The following RIMS4 variants were observed in gnomAD, a reference collection of about 807,000 sequenced individuals.
RIMS4 encodes regulating synaptic membrane exocytosis protein 4.
RIMS4 carries 9 observed loss-of-function variants against 29.0 expected under a neutral mutation model. The ratio of observed to expected loss-of-function variants is 0.31; its 90% CI spans 0.19 to 0.54. The LOEUF is 0.54. RIMS4 is among the 20% of genes least tolerant of loss of function. RIMS4 has a pLI of 0.94. For missense variants in RIMS4, 193 were observed against 365.7 expected (o/e 0.53, Z 3.85); for synonymous variants, 130 against 152.9 (o/e 0.85, Z 1.10).
At chr20:44,760,196 C>A (rs1012871493) in intron 2 of RIMS4, among the ~76,000 whole-genome samples, 2 of 152,200 alleles carry the variant, frequency 1.3e-5, no homozygotes, top group African/African-American at 4.8e-5. Flanking sequence ...TCCTTGAGGA[C>A]GGTCTGTAGT....
intron 2 of RIMS4, among the ~76,000 whole-genome samples, chr20:44,764,228 G>A (rs370934451): frequency 2.9e-3 from 191 of 65,926 alleles, no homozygotes; most frequent in Middle Eastern, 0.025. Flanking sequence ...CCATCCATCC[G>A]TCCATCCATT....
At chr20:44,771,536 C>G (rs1248574525) in intron 1 of RIMS4, 123 bp from the exon 2 acceptor site, 2 of 1,048,150 alleles carry the variant, frequency 1.9e-6, no homozygotes, top group Admixed American at 2.3e-5. Flanking sequence ...AGCCTCCACC[C>G]TCAGCCCATC....
At chr20:44,805,658 T>C (rs1263312077) in intron 1 of RIMS4, among the ~76,000 whole-genome samples, 2 of 152,016 alleles carry the variant, frequency 1.3e-5, no homozygotes, top group African/African-American at 2.4e-5. Context: ...CCCACCATCT[T>C]AGAGGGAAGG....
rs2066135502 is a variant in RIMS4, at chr20:44,771,134, T to C, written c.236+141A>G. Reference sequence around the variant, plus strand: ...TGTTACACTGCCTCCCTTCTGAAGATGGGGGATGAACCTGGAGCCCTGAGC... The same window carrying C: ...TGTTACACTGCCTCCCTTCTGAAGACGGGGGATGAACCTGGAGCCCTGAGC... On this transcript the variant is annotated intron_variant, in intron 2 of 5. Transcript: ENST00000372851. The C allele has an allele frequency of 5.5e-6, 5 of 911,506 alleles. No individual in the cohort carries two copies. The South Asian group carries it at 1.2e-4, about 22-fold the overall frequency. The allele number at this position is 911,506 out of a possible 1,614,324, so 56.5% of individuals were successfully genotyped here. A position where few individuals can be genotyped will look rare whatever the true frequency, so the allele number is the denominator to read the frequency against.
At chr20:44,782,982 A>C (rs1035032005) in intron 1 of RIMS4, among the ~76,000 whole-genome samples, 4 of 152,200 alleles carry the variant, frequency 2.6e-5, no homozygotes, top group Non-Finnish European at 5.9e-5. Flanking sequence ...CAATGACATA[A>C]CATGTGCACA....
intron 2 of RIMS4, among the ~76,000 whole-genome samples, chr20:44,763,111 C>T (rs1052333479): frequency 3.3e-5 from 5 of 152,190 alleles, no homozygotes; most frequent in African/African-American, 1.2e-4. Flanking sequence ...TTGTATGCAA[C>T]AGGAGCTCAA....
rs1000068025 is a variant in RIMS4, at chr20:44,752,084, T to C, written c.*4050A>G. 2.0e-5 allele frequency: 3 copies of C among 152,256 alleles called. No homozygotes were observed. The highest frequency in any genetic ancestry group is 7.2e-5 in the African/African-American group (3 of 41,446). The allele number at this position is 152,256 out of a possible 1,614,324, so 9.4% of individuals were successfully genotyped here. A position where few individuals can be genotyped will look rare whatever the true frequency, so the allele number is the denominator to read the frequency against. ...GCTCACAGCCCTGGGTTCGGCTCCATTCTGACCTCCCTGAAGCGCTGGGTT... is the reference window on the plus strand; with the variant it reads ...GCTCACAGCCCTGGGTTCGGCTCCACTCTGACCTCCCTGAAGCGCTGGGTT... On this transcript the variant is annotated 3_prime_UTR_variant, in exon 6 of 6. Coordinates refer to ENST00000372851, the MANE Select transcript of RIMS4 (RefSeq NM_182970.4).
intron 2 of RIMS4, among the ~76,000 whole-genome samples, chr20:44,762,031 G>A (rs1328688345): frequency 1.3e-5 from 2 of 152,156 alleles, no homozygotes; most frequent in South Asian, 2.1e-4. Context: ...CCATGGACTG[G>A]GGCAGGGAGT....
intron 1 of RIMS4, among the ~76,000 whole-genome samples, chr20:44,809,393 C>T (rs563119695): frequency 1.3e-5 from 2 of 152,190 alleles, no homozygotes; most frequent in African/African-American, 4.8e-5. Context: ...CTCGCTCTGG[C>T]TGAGGTTGTG....
intron 1 of RIMS4, among the ~76,000 whole-genome samples, chr20:44,788,063 T>C (rs555501993): frequency 5.1e-4 from 78 of 152,338 alleles, no homozygotes; most frequent in African/African-American, 1.5e-3. Context: ...TCTGGCAGAA[T>C]TGAAATTAAC....
At chr20:44,765,952 C>T (rs1236066666) in intron 2 of RIMS4, among the ~76,000 whole-genome samples, 2 of 152,214 alleles carry the variant, frequency 1.3e-5, no homozygotes, top group African/African-American at 2.4e-5. Context: ...TGCTCACACA[C>T]ACCCACCTAT....
intron 1 of RIMS4, among the ~76,000 whole-genome samples, chr20:44,778,459 T>C (rs1422520111): frequency 6.6e-6 from 1 of 152,168 alleles, no homozygotes. Context: ...GAGGACTGCT[T>C]GAGCCCAGGA....
chr20:44,780,766 T>C (rs1321174285), intron 1 of RIMS4, among the ~76,000 whole-genome samples: 1 of 152,118 alleles, frequency 6.6e-6, no homozygotes, highest in African/African-American at 2.4e-5. Context: ...TGCTCTACAC[T>C]GGAGGGAGGG....
intron 1 of RIMS4, among the ~76,000 whole-genome samples, chr20:44,785,854 T>C (rs942810793): frequency 6.6e-6 from 1 of 151,628 alleles, no homozygotes; most frequent in Non-Finnish European, 1.5e-5. Context: ...GATGCCATGA[T>C]TGATTGGTGA....
intron 2 of RIMS4, among the ~76,000 whole-genome samples, chr20:44,762,866 T>C (rs986967901): frequency 1.3e-5 from 2 of 152,198 alleles, no homozygotes; most frequent in African/African-American, 4.8e-5. Flanking sequence ...ACTAGCCAAC[T>C]GCTTGCTGTG....
chr20:44,797,790 C>G (rs1340493419), intron 1 of RIMS4, among the ~76,000 whole-genome samples: 2 of 152,202 alleles, frequency 1.3e-5, no homozygotes, highest in East Asian at 3.8e-4. Flanking sequence ...GTTTGAGACC[C>G]TTCCCGCACT....
At chr20:44,769,978 G>A (rs905830563) in intron 2 of RIMS4, among the ~76,000 whole-genome samples, 1 of 152,220 alleles carries the variant, frequency 6.6e-6, no homozygotes, top group Admixed American at 6.5e-5. Flanking sequence ...TATGGTTGTC[G>A]CTAGCCACAA....
intron 1 of RIMS4, among the ~76,000 whole-genome samples, chr20:44,781,412 G>A (rs1191282009): frequency 1.3e-5 from 2 of 152,224 alleles, no homozygotes; most frequent in African/African-American, 4.8e-5. Context: ...TGGGTTGTAA[G>A]CAGAATTGAT....
chr20:44,764,784 T>G (rs921273460), intron 2 of RIMS4, among the ~76,000 whole-genome samples: 1 of 152,234 alleles, frequency 6.6e-6, no homozygotes, highest in African/African-American at 2.4e-5. Flanking sequence ...AATTGTTCCC[T>G]AATACTTGAA....
Sources: gnomAD v4.1 joint callset for allele counts (sites outside exome capture counted in the v4.1 genomes callset) on GRCh38, gnomAD v4.1.1 for gene constraint, MANE v1.5 for transcripts, NCBI Gene and HGNC (gene_info 2026-07-23, HGNC 2026-07-21) for gene names.